The following DGKD variants were observed in gnomAD, a reference collection of about 807,000 sequenced individuals.
DGKD encodes diacylglycerol kinase delta.
A neutral mutation model predicts 154.4 loss-of-function variants in DGKD; 68 were observed. The observed-to-expected ratio is 0.44, with a 90% CI of 0.36 to 0.54. The LOEUF (loss-of-function observed/expected upper bound fraction) is 0.54. Among genes scored for constraint, DGKD ranks in the 20% least tolerant of loss-of-function variants. The pLI, the probability that DGKD is intolerant of heterozygous loss-of-function variation, is 0.00. For missense variants in DGKD, 1,343 were observed against 1,593.6 expected, an observed-to-expected ratio of 0.84 and a Z score of 2.68; for synonymous variants, 693 against 638.0, an observed-to-expected ratio of 1.09 and a Z score of -1.30.
At chr2:233,423,887 AC>A (rs900930803) in intron 3 of DGKD, among the ~76,000 whole-genome samples, 27 of 151,796 alleles carry the variant, frequency 1.8e-4, no homozygotes, top group Non-Finnish European at 3.5e-4. Flanking sequence ...TAAAAAGAAA[AC>A]CCAGAGGGCC....
At chr2:233,388,086 C>T (rs1703306227) in intron 1 of DGKD, 171 bp from the exon 2 acceptor site, 5 of 1,416,104 alleles carry the variant, frequency 3.5e-6, no homozygotes, top group Non-Finnish European at 4.7e-6. Context: ...ACCCCCCATG[C>T]CCCCGGCAGC....
intron 19 of DGKD, among the ~76,000 whole-genome samples, chr2:233,456,263 T>C (rs1252028750): frequency 6.6e-6 from 1 of 152,120 alleles, no homozygotes; most frequent in Non-Finnish European, 1.5e-5. Context: ...ATCAAGGGGA[T>C]TGGTTCGATA....
At chr2:233,379,570 G>T (rs1005838652) in intron 1 of DGKD, among the ~76,000 whole-genome samples, 5 of 152,164 alleles carry the variant, frequency 3.3e-5, no homozygotes, top group African/African-American at 9.7e-5. Flanking sequence ...ATCACTGGTG[G>T]GGTGGGGCCA....
At chr2:233,436,171 C>T in intron 6 of DGKD, 145 bp from the exon 7 acceptor site, 4 of 1,385,418 alleles carry the variant, frequency 2.9e-6, no homozygotes, top group Non-Finnish European at 4.0e-6. Flanking sequence ...TTCACAGGCC[C>T]TGCCATCCCT....
chr2:233,449,927 C>T lies in DGKD; in HGVS notation c.1889-55C>T. 6.6e-7 allele frequency: 1 copy of T among 1,516,168 alleles called. No individual in the cohort carries two copies. The highest frequency in any genetic ancestry group is 8.9e-7 in the Non-Finnish European group (1 of 1,129,788). The allele number at this position is 1,516,168 out of a possible 1,614,324, so 93.9% of individuals were successfully genotyped here. A position where few individuals can be genotyped will look rare whatever the true frequency, so the allele number is the denominator to read the frequency against. On this transcript the variant is annotated intron_variant, in intron 15 of 29. Transcript: ENST00000264057. This position sits in a 1 kb window ranked among gnomAD's most constrained non-coding sequence, Gnocchi z 5.3. ...ATGAGGGGCCCTCCACCCAGCCTGACAGCGCCCTTGGCTTTGCACCCGCGT... is the reference window on the plus strand; with the variant it reads ...ATGAGGGGCCCTCCACCCAGCCTGATAGCGCCCTTGGCTTTGCACCCGCGT...
At chr2:233,415,733 C>A (rs776786150) in intron 3 of DGKD, among the ~76,000 whole-genome samples, 1 of 152,116 alleles carries the variant, frequency 6.6e-6, no homozygotes, top group Non-Finnish European at 1.5e-5. Context: ...AAGTGATTCC[C>A]GCACCTTAGC....
intron 10 of DGKD, among the ~76,000 whole-genome samples, chr2:233,444,158 C>G (rs2125621783): frequency 6.6e-6 from 1 of 152,266 alleles, no homozygotes; most frequent in East Asian, 1.9e-4. Context: ...CAACACTACA[C>G]CACGTTCAGC....
At position 233,457,072 on chromosome 2, in the gene DGKD, T is replaced by C; in HGVS notation, c.2472+77T>C. On this transcript the variant is annotated intron_variant, in intron 20 of 29. Coordinates refer to ENST00000264057, the MANE Select transcript of DGKD (RefSeq NM_152879.3). The surrounding 1 kb of genome is among the most constrained non-coding windows in gnomAD (Gnocchi z 5.5). ...ACTGCCAGGCCTATTGCTTCTCCTG[T>C]TGACCATTTCCTCCATGCACAGGGA... 7.2e-7 allele frequency: 1 copy of C among 1,388,638 alleles called. No individual in the cohort carries two copies. Among genetic ancestry groups the C allele is most frequent in the Non-Finnish European group, 1.0e-6 (1 of 976,276 alleles). The allele number at this position is 1,388,638 out of a possible 1,614,324, so 86.0% of individuals were successfully genotyped here. A position where few individuals can be genotyped will look rare whatever the true frequency, so the allele number is the denominator to read the frequency against.
Position 233,369,434 on chromosome 2 carries a change from T to C in DGKD, c.156+14760T>C, listed in dbSNP as rs570195958. Among the ~76,000 whole-genome samples the C allele has an allele frequency of 2.8e-4, 42 of 152,318 alleles. 1 individual carries two copies. The South Asian group carries it at 8.3e-3, about 30-fold the overall frequency. On this transcript the variant is annotated intron_variant, in intron 1 of 29. Transcript: ENST00000264057. ...TTCTCATTTTGGTGCTCCCTGTCTT[T>C]TAAAAACATTTTAATTTTAACTTTT...
intron 10 of DGKD, among the ~76,000 whole-genome samples, chr2:233,443,659 A>G (rs1413115689): frequency 1.3e-5 from 2 of 152,196 alleles, no homozygotes; most frequent in Non-Finnish European, 2.9e-5. Flanking sequence ...ACTTGGTAGT[A>G]TTTCCAGGTG....
At chr2:233,456,865 C>T in intron 19 of DGKD, 34 bp from the exon 20 acceptor site, 1 of 1,554,978 alleles carries the variant, frequency 6.4e-7, no homozygotes. Context: ...GAAGAAAGCC[C>T]AGACCTATGG....
intron 10 of DGKD, among the ~76,000 whole-genome samples, chr2:233,443,081 A>C (rs2062953307): frequency 6.6e-6 from 1 of 152,160 alleles, no homozygotes; most frequent in African/African-American, 2.4e-5. Context: ...AGCGCACCCA[A>C]GCTTAAGTAT....
Position 233,434,867 on chromosome 2 carries a change from G to T in DGKD, c.552G>T (p.Leu184=). The change falls in exon 5 of 30, where the codon CTG becomes CTT. Residue 184 remains leucine, a synonymous_variant. Coordinates refer to ENST00000264057, the MANE Select transcript of DGKD (RefSeq NM_152879.3). ...PTYCNVCREA[L]SGVTSHGLSC... is the part of the protein sequence containing the mutation. Reference sequence around the variant, plus strand: ...ACTGCAATGTGTGCCGTGAGGCTCTGTCTGGGGTCACGTCGCACGGGCTGT... The same window carrying T: ...ACTGCAATGTGTGCCGTGAGGCTCTTTCTGGGGTCACGTCGCACGGGCTGT... 1 of 1,614,170 alleles carries T rather than the reference G, an allele frequency of 6.2e-7. No homozygotes were observed.
At chr2:233,408,456 T>C (rs2061741182) in intron 3 of DGKD, among the ~76,000 whole-genome samples, 1 of 152,168 alleles carries the variant, frequency 6.6e-6, no homozygotes, top group Non-Finnish European at 1.5e-5. Flanking sequence ...TCCTCTTGAG[T>C]GTGAAGTGTC....
intron 7 of DGKD, among the ~76,000 whole-genome samples, chr2:233,436,805 C>T (rs2125595936): frequency 6.6e-6 from 1 of 152,346 alleles, no homozygotes; most frequent in Middle Eastern, 3.4e-3. Flanking sequence ...GCGGCGTTGG[C>T]TCTGGGCAGT....
chr2:233,449,518 A>C lies in DGKD; in HGVS notation c.1888+142A>C. On this transcript the variant is annotated intron_variant, in intron 15 of 29. Transcript: ENST00000264057. The surrounding 1 kb of genome is among the most constrained non-coding windows in gnomAD (Gnocchi z 5.3). ...CTCTCCACCCATGTCCAGGCACCAG[A>C]CCCCCAACGAGTTCGCTTGCCCTCC... is the stretch of plus-strand genomic sequence containing the variant. 8.2e-7 allele frequency: 1 copy of C among 1,214,186 alleles called. No homozygotes were observed. The highest frequency in any genetic ancestry group is 1.1e-6 in the Non-Finnish European group (1 of 896,990). The allele number at this position is 1,214,186 out of a possible 1,614,324, so 75.2% of individuals were successfully genotyped here. A position where few individuals can be genotyped will look rare whatever the true frequency, so the allele number is the denominator to read the frequency against.
chr2:233,379,997 G>C (rs1221886336), intron 1 of DGKD: 1 of 152,184 alleles, frequency 6.6e-6, no homozygotes, highest in African/African-American at 2.4e-5. Flanking sequence ...GTTCTGATGT[G>C]GTGGTCTGGG....
At chr2:233,462,145 G>T (rs1362315759) in intron 24 of DGKD, among the ~76,000 whole-genome samples, 1 of 152,214 alleles carries the variant, frequency 6.6e-6, no homozygotes, top group Non-Finnish European at 1.5e-5. Flanking sequence ...TCTCGTGGAA[G>T]CCCTCCCATT....
chr2:233,451,837 A>T, intron 17 of DGKD, 127 bp from the exon 18 acceptor site: 1 of 799,710 alleles, frequency 1.3e-6, no homozygotes, highest in Non-Finnish European at 2.0e-6. Flanking sequence ...GGTTATACAT[A>T]ATTTTAGAAA....
Sources: gnomAD v4.1 joint callset for allele counts (sites outside exome capture counted in the v4.1 genomes callset) on GRCh38, gnomAD v4.1.1 for gene constraint, Gnocchi (gnomAD v3.1) non-coding constraint, MANE v1.5 for transcripts, NCBI Gene and HGNC (gene_info 2026-07-23, HGNC 2026-07-21) for gene names.